Variants in PHF24 observed in about 807,000 individuals in gnomAD.
The protein encoded by PHF24 is PHD finger protein 24.
Under a neutral mutation model 42.6 loss-of-function variants are expected in PHF24, and 25 were observed. The ratio of observed to expected loss-of-function variants is 0.59; its 90% CI spans 0.43 to 0.82. The LOEUF is 0.82. Ranked by LOEUF, PHF24 falls within the 40% of genes least tolerant of loss-of-function variation. The probability of loss-of-function intolerance (pLI) is 0.00; values close to 1 mark genes in which losing one functional copy is unlikely to be tolerated. For missense variants in PHF24, 470 were observed against 538.1 expected (o/e 0.87, Z 1.25); for synonymous variants, 185 against 204.8 (o/e 0.90, Z 0.83).
chr9:34,756,458 TAAGAA>T, the PHF24 span, among the ~76,000 whole-genome samples: 1 of 152,128 alleles, frequency 6.6e-6, no homozygotes, highest in Non-Finnish European at 1.5e-5. Flanking sequence ...TTTTGCCACT[TAAGAA>T]GAGAGTGTTT....
chr9:34,811,618 TAGACTA>T, the PHF24 span, among the ~76,000 whole-genome samples: 5 of 152,146 alleles, frequency 3.3e-5, no homozygotes, highest in Non-Finnish European at 7.4e-5. Context: ...CAGCACAAAA[TAGACTA>T]AGACAAGGCT....
upstream of PHF24, among the ~76,000 whole-genome samples, chr9:34,955,334 AAAG>A (rs1826346992): frequency 7.5e-6 from 1 of 132,960 alleles, no homozygotes; most frequent in Admixed American, 7.0e-5. Context: ...AAAAAAAAGA[AAAG>A]AAAGTTGAAA....
At chr9:34,901,133 C>A in the PHF24 span, among the ~76,000 whole-genome samples, 81 of 152,216 alleles carry the variant, frequency 5.3e-4, no homozygotes, top group Middle Eastern at 3.4e-3. Context: ...TTTTTTATGA[C>A]CATATTTCTT....
chr9:34,759,488 T>C, the PHF24 span, among the ~76,000 whole-genome samples: 1 of 152,160 alleles, frequency 6.6e-6, no homozygotes. Context: ...TGTCAATCTC[T>C]TCTGTCCAGT....
the PHF24 span, among the ~76,000 whole-genome samples, chr9:34,687,800 C>G: frequency 6.6e-6 from 1 of 152,224 alleles, no homozygotes; most frequent in Non-Finnish European, 1.5e-5. Flanking sequence ...AGACACCAGC[C>G]TGCTGGGATG....
intron 1 of PHF24, among the ~76,000 whole-genome samples, chr9:34,962,974 C>G (rs1826644000): frequency 6.6e-6 from 1 of 152,158 alleles, no homozygotes; most frequent in African/African-American, 2.4e-5. Flanking sequence ...CTTGGAAACC[C>G]CAGAAAAGCC....
At chr9:34,857,418 A>G in the PHF24 span, among the ~76,000 whole-genome samples, 49 of 152,088 alleles carry the variant, frequency 3.2e-4, no homozygotes, top group Admixed American at 8.5e-4. Context: ...TGTGCTTCAG[A>G]CCCAAGGCCC....
chr9:34,709,405 T>C, the PHF24 span: 20 of 1,609,504 alleles, frequency 1.2e-5, no homozygotes, highest in Non-Finnish European at 1.6e-5. Flanking sequence ...TATGGCCCTT[T>C]AGGGGTCTGT....
In PHF24 at chr9:34,977,712, C is replaced by T. The variant is rs917116973; in HGVS notation, c.1106+71C>T. On this transcript the variant is annotated intron_variant, in intron 7 of 7. Coordinates refer to ENST00000242315, the Ensembl canonical transcript of PHF24. The stretch of plus-strand genomic sequence containing the variant: ...CACAAAACACACAAGTAAGAGAGGG[C>T]ATTACCCACTCCCACTCCAAAACAG... 19 of 1,286,692 alleles carry T rather than the reference C, an allele frequency of 1.5e-5. No individual in the cohort carries two copies. In the African/African-American group the frequency reaches 2.8e-4, roughly 19 times the overall value. 79.7% of individuals were successfully genotyped at this position (1,286,692 alleles called of 1,614,324 possible).
chr9:34,744,538 T>C, the PHF24 span, among the ~76,000 whole-genome samples: 1 of 152,210 alleles, frequency 6.6e-6, no homozygotes, highest in East Asian at 1.9e-4. Flanking sequence ...ACCTTGTTCA[T>C]TTGTCACTAA....
At chr9:34,955,321 C>CAA (rs146827510), upstream of PHF24, among the ~76,000 whole-genome samples, 21,446 of 136,910 alleles carry the variant, frequency 0.16, 2,050 homozygotes, top group Non-Finnish European at 0.23. Context: ...CAAGAATATG[C>CAA]AAAAAAAAAA....
the PHF24 span, among the ~76,000 whole-genome samples, chr9:34,777,246 G>A: frequency 2.6e-5 from 4 of 152,290 alleles, no homozygotes; most frequent in East Asian, 3.9e-4. Context: ...TGGGTGGGTG[G>A]GGAGGTTCTC....
the PHF24 span, chr9:34,835,457 G>C: frequency 3.2e-6 from 5 of 1,551,920 alleles, no homozygotes; most frequent in Non-Finnish European, 4.4e-6. Flanking sequence ...TGGCAGGTGG[G>C]CAGGGAGGAC....
At chr9:34,875,934 A>ACCCTCT in the PHF24 span, among the ~76,000 whole-genome samples, 1 of 78,158 alleles carries the variant, frequency 1.3e-5, no homozygotes, top group Non-Finnish European at 2.6e-5. Flanking sequence ...ACACACACAC[A>ACCCTCT]CACACACACA....
chr9:34,747,806 T>G, the PHF24 span, among the ~76,000 whole-genome samples: 1 of 152,232 alleles, frequency 6.6e-6, no homozygotes, highest in South Asian at 2.1e-4. Flanking sequence ...AGATTTATAC[T>G]CAAGAGAAAC....
chr9:34,895,589 C>T, the PHF24 span: 1 of 398,852 alleles, frequency 2.5e-6, no homozygotes. Context: ...CCGGCAACAG[C>T]TCCTGTTAGG....
chr9:34,722,112 C>T, the PHF24 span, among the ~76,000 whole-genome samples: 1 of 152,066 alleles, frequency 6.6e-6, no homozygotes, highest in African/African-American at 2.4e-5. Context: ...AAGCCAGGAC[C>T]CTCCCTGAGG....
chr9:34,868,674 A>T, the PHF24 span, among the ~76,000 whole-genome samples: 2 of 152,196 alleles, frequency 1.3e-5, no homozygotes, highest in Non-Finnish European at 2.9e-5. Context: ...TGCTCATCAG[A>T]CTTTCACAGC....
the PHF24 span, among the ~76,000 whole-genome samples, chr9:34,767,456 G>T: frequency 6.6e-6 from 1 of 152,220 alleles, no homozygotes; most frequent in African/African-American, 2.4e-5. Flanking sequence ...TTTGATCTCA[G>T]ACTGCTGTGC....
Sources: allele counts gnomAD v4.1 joint callset (sites outside exome capture counted in the v4.1 genomes callset), GRCh38; gene constraint gnomAD v4.1.1; transcripts MANE v1.5; gene names NCBI Gene and HGNC (gene_info 2026-07-23, HGNC 2026-07-21).